Variants in MTSS1 observed in about 807,000 individuals in gnomAD.
MTSS1 encodes the protein protein MTSS 1.
Under a neutral mutation model 79.0 loss-of-function variants are expected in MTSS1, and 18 were observed. That is an observed-to-expected ratio of 0.23 (90% CI 0.16 to 0.34). MTSS1 has a LOEUF of 0.34. Among genes scored for constraint, MTSS1 ranks in the 10% least tolerant of loss-of-function variants. The pLI, the probability that MTSS1 is intolerant of heterozygous loss-of-function variation, is 1.00. For missense variants in MTSS1, 815 were observed against 986.2 expected (o/e 0.83, Z 2.33); for synonymous variants, 341 against 368.6 (o/e 0.93, Z 0.86).
intron 10 of MTSS1, among the ~76,000 whole-genome samples, chr8:124,560,010 G>A (rs895528598): frequency 2.0e-5 from 3 of 152,126 alleles, no homozygotes; most frequent in Non-Finnish European, 4.4e-5. Context: ...GTCCTGTAAG[G>A]GCAAGGAGAC....
In MTSS1 at chr8:124,699,517, T is replaced by C. The variant is rs998044530; in HGVS notation, c.208+9A>G. The stretch of plus-strand genomic sequence containing the variant: ...AGTTAACACTGGGAGTCAGCCTCCA[T>C]CTGCTTACCACGTGTGTTGGTGGCC... On this transcript the variant is annotated intron_variant, in intron 3 of 13. Transcript: ENST00000518547. 22 of 1,613,810 alleles carry C rather than the reference T, an allele frequency of 1.4e-5. No individual in the cohort carries two copies. In the African/African-American group the frequency reaches 2.7e-4, roughly 20 times the overall value.
intron 3 of MTSS1, among the ~76,000 whole-genome samples, chr8:124,680,115 T>C (rs891946907): frequency 1.3e-5 from 2 of 152,180 alleles, no homozygotes; most frequent in African/African-American, 4.8e-5. Context: ...AAGACTCCTA[T>C]CAGTTTCAGT....
intron 3 of MTSS1, among the ~76,000 whole-genome samples, chr8:124,670,255 G>A (rs1350446358): frequency 6.6e-6 from 1 of 152,172 alleles, no homozygotes; most frequent in Admixed American, 6.5e-5. Flanking sequence ...ATCTGCAGAA[G>A]AGCAACCAAA....
chr8:124,595,615 C>T (rs80190729), intron 3 of MTSS1, among the ~76,000 whole-genome samples: 2,875 of 152,232 alleles, frequency 0.019, 96 homozygotes, highest in African/African-American at 0.066. Context: ...TTATGTGGGA[C>T]CCACCTGGAT....
intron 3 of MTSS1, among the ~76,000 whole-genome samples, chr8:124,622,177 T>G (rs967555659): frequency 9.2e-5 from 14 of 152,126 alleles, no homozygotes; most frequent in Admixed American, 4.6e-4. Flanking sequence ...GAGGACGTTA[T>G]GCTAAGTGAA....
chr8:124,684,138 A>G (rs186405716), intron 3 of MTSS1, among the ~76,000 whole-genome samples: 5 of 152,184 alleles, frequency 3.3e-5, no homozygotes, highest in African/African-American at 1.2e-4. Flanking sequence ...ACTGTAAGCT[A>G]CTTTGCATTC....
rs931180901 is a variant in MTSS1 at position 124,552,117 on chromosome 8, G to T, written c.*875C>A. ...TTGGATGTATTTGGATTCCATAAAG[G>T]TGAGTACAATCAACGAGAAACTGAA... On this transcript the variant is annotated 3_prime_UTR_variant, in exon 14 of 14. Coordinates refer to ENST00000518547, the MANE Select transcript of MTSS1 (RefSeq NM_014751.6). 2 of 152,600 alleles carry T rather than the reference G, an allele frequency of 1.3e-5. No individual in the cohort carries two copies. The highest frequency in any genetic ancestry group is 6.5e-5 in the Admixed American group (1 of 15,272). 9.5% of individuals were successfully genotyped at this position (152,600 alleles called of 1,614,324 possible).
intron 1 of MTSS1, among the ~76,000 whole-genome samples, chr8:124,723,136 A>G (rs1290632106): frequency 1.3e-5 from 2 of 152,230 alleles, no homozygotes; most frequent in Admixed American, 1.3e-4. Flanking sequence ...GAGGTCAGCA[A>G]CTGAGAACAC....
chr8:124,684,919 C>A (rs1249329709), intron 3 of MTSS1, among the ~76,000 whole-genome samples: 1 of 152,156 alleles, frequency 6.6e-6, no homozygotes, highest in Non-Finnish European at 1.5e-5. Flanking sequence ...ATGTATTTGG[C>A]CCCTACTATG....
chr8:124,711,159 C>T (rs1185204374), intron 1 of MTSS1, among the ~76,000 whole-genome samples: 2 of 152,206 alleles, frequency 1.3e-5, no homozygotes, highest in African/African-American at 2.4e-5. Flanking sequence ...GGTATATATA[C>T]TGGCCCTTCC....
chr8:124,621,002 C>G (rs963806769), intron 3 of MTSS1, among the ~76,000 whole-genome samples: 5 of 152,120 alleles, frequency 3.3e-5, no homozygotes, highest in African/African-American at 4.8e-5. Flanking sequence ...GGAATCAAGA[C>G]CAGGGAAGGC....
Position 124,678,326 on chromosome 8 carries a change from C to A in MTSS1, c.208+21200G>T, listed in dbSNP as rs142139142. Among the ~76,000 whole-genome samples, 41 of 152,248 alleles carry A rather than the reference C, an allele frequency of 2.7e-4. 1 individual carries two copies. In the East Asian group the frequency reaches 7.7e-3, roughly 29 times the overall value. ...ATTCTCTATCCAGTTAAGAGGAGAC[C>A]TAAAAACATCCTTCTCAAATAGCCC... On this transcript the variant is annotated intron_variant, in intron 3 of 13. Transcript: ENST00000518547.
chr8:124,699,078 A>C, intron 3 of MTSS1: 1 of 171,702 alleles, frequency 5.8e-6, no homozygotes, highest in Non-Finnish European at 1.2e-5. Flanking sequence ...AAATAGATAC[A>C]ACCCAATGAG....
chr8:124,626,801 C>G (rs937305708), intron 3 of MTSS1, among the ~76,000 whole-genome samples: 1 of 152,090 alleles, frequency 6.6e-6, no homozygotes, highest in Admixed American at 6.5e-5. Context: ...GGGCATCACA[C>G]CAGCCTCTAC....
intron 1 of MTSS1, among the ~76,000 whole-genome samples, chr8:124,720,581 GA>G (rs1166491453): frequency 2.0e-5 from 3 of 152,164 alleles, no homozygotes; most frequent in Admixed American, 2.0e-4. Context: ...TGCAAATACA[GA>G]ATGCAAATAG....
At chr8:124,590,351 A>G (rs28564073) in intron 4 of MTSS1, among the ~76,000 whole-genome samples, 40 of 152,312 alleles carry the variant, frequency 2.6e-4, no homozygotes, top group Admixed American at 6.5e-4. Context: ...CTCACCCCCA[A>G]TGGAGACTTT....
At chr8:124,567,505 T>A in intron 7 of MTSS1, 1 of 908,830 alleles carries the variant, frequency 1.1e-6, no homozygotes, top group Non-Finnish European at 1.6e-6. Context: ...AGCACAGCCC[T>A]CTTCATACTG....
Position 124,553,635 on chromosome 8 carries a change from A to C in MTSS1, c.1625T>G (p.Phe542Cys). Residue 542 changes from phenylalanine to cysteine, a missense_variant, in exon 14 of 14, where the codon TTC (phenylalanine) becomes TGC (cysteine). Physicochemically the swap from Phe to Cys is radical, Grantham distance 205 (BLOSUM62 -2). Coordinates refer to ENST00000518547, the MANE Select transcript of MTSS1 (RefSeq NM_014751.6). This position sits in a 1 kb window ranked among gnomAD's most constrained non-coding sequence, Gnocchi z 6.0. ...SGDQEADQQEFDKSSTIPRNS... is the reference protein window; with the variant it reads ...SGDQEADQQECDKSSTIPRNS... ...TCTTGGAATGGTGGAGGACTTGTCG[A>C]ACTCCTGCTGATCTGCCTCCTGGTC... 1.2e-6 allele frequency: 2 copies of C among 1,614,130 alleles called. No homozygotes were observed. Among genetic ancestry groups the C allele is most frequent in the African/African-American group, 2.7e-5 (2 of 75,032 alleles).
At chr8:124,567,795 A>G (rs1826843646) in intron 7 of MTSS1, 1 of 1,529,058 alleles carries the variant, frequency 6.5e-7, no homozygotes, top group Non-Finnish European at 8.7e-7. Flanking sequence ...TCAAATTCAG[A>G]CATTTTGCTA....
Sources: gnomAD v4.1 joint callset for allele counts (sites outside exome capture counted in the v4.1 genomes callset) on GRCh38, gnomAD v4.1.1 for gene constraint, Gnocchi (gnomAD v3.1) non-coding constraint, MANE v1.5 for transcripts, NCBI Gene and HGNC (gene_info 2026-07-23, HGNC 2026-07-21) for gene names.